SAMMSON: variants seen among roughly 807,000 people sequenced by gnomAD.
SAMMSON encodes survival associated mitochondrial melanoma specific oncogenic non-coding RNA.
chr3:70,148,259 CCTAG>C (rs1006106665), intron 4 of SAMMSON, among the ~76,000 whole-genome samples: 2 of 152,064 alleles, frequency 1.3e-5, no homozygotes, highest in African/African-American at 4.8e-5. Flanking sequence ...ACTTATATAA[CCTAG>C]CTATTCCCTA....
rs944173356 is a variant in SAMMSON at position 70,419,271 on chromosome 3, G to A, written n.234-43289G>A. On this transcript the variant is annotated intron_variant and non_coding_transcript_variant, in intron 2 of 3. Transcript: ENST00000641053. ...TGGTCTCGAACTCCTGGGCTCAGGCGATCCACCCGCCTCAGCCTGCCAAAG... is the reference window on the plus strand; with the variant it reads ...TGGTCTCGAACTCCTGGGCTCAGGCAATCCACCCGCCTCAGCCTGCCAAAG... Among the ~76,000 whole-genome samples the A allele has an allele frequency of 5.9e-5, 9 of 151,846 alleles. No homozygotes were observed. The South Asian group carries it at 1.2e-3, about 21-fold the overall frequency.
At chr3:70,426,337 A>G (rs1159880276) in intron 2 of SAMMSON, among the ~76,000 whole-genome samples, 1 of 152,212 alleles carries the variant, frequency 6.6e-6, no homozygotes, top group Non-Finnish European at 1.5e-5. Context: ...TAGAAACAAT[A>G]GTATATTGCA....
rs189070820 is a variant in SAMMSON at position 70,192,731 on chromosome 3, G to A, written n.508-56376G>A. Among the ~76,000 whole-genome samples, 8 of 152,278 alleles carry A rather than the reference G, an allele frequency of 5.3e-5. No homozygotes were observed. The East Asian group carries it at 5.8e-4, about 11-fold the overall frequency. ...CTCAGATAAATGAAGAATCATATTC[G>A]TAGTATAAGTAGGTCACATGTAATA... On this transcript the variant is annotated intron_variant and non_coding_transcript_variant, in intron 4 of 9. Coordinates refer to ENST00000642114, the Ensembl canonical transcript of SAMMSON.
chr3:70,034,877 A>T (rs1471000336), intron 3 of SAMMSON, among the ~76,000 whole-genome samples: 1 of 152,090 alleles, frequency 6.6e-6, no homozygotes, highest in African/African-American at 2.4e-5. Flanking sequence ...CTTTTGTTCT[A>T]TGGTGTTGTA....
intron 2 of SAMMSON, among the ~76,000 whole-genome samples, chr3:70,403,937 T>C (rs1434899924): frequency 6.6e-6 from 1 of 152,190 alleles, no homozygotes; most frequent in Non-Finnish European, 1.5e-5. Flanking sequence ...TTTAAGGATC[T>C]AAATACTACT....
At chr3:70,352,017 A>T (rs1415913324) in intron 7 of SAMMSON, among the ~76,000 whole-genome samples, 1 of 152,054 alleles carries the variant, frequency 6.6e-6, no homozygotes, top group East Asian at 1.9e-4. Context: ...AAAGGATATA[A>T]TATTCATGTC....
At position 70,278,776 on chromosome 3, in the gene SAMMSON, C is replaced by T. The variant is rs143382508; in HGVS notation, n.675-12403C>T. Reference sequence around the variant, plus strand: ...TTTCTACCAAGTAATAACTAGGAGGCCTTAACAAAGTCACTTATGTTTCCT... The same window carrying T: ...TTTCTACCAAGTAATAACTAGGAGGTCTTAACAAAGTCACTTATGTTTCCT... On this transcript the variant is annotated intron_variant and non_coding_transcript_variant, in intron 6 of 9. Coordinates refer to ENST00000642114, the Ensembl canonical transcript of SAMMSON. 5.1e-4 allele frequency among the ~76,000 whole-genome samples: 78 copies of T among 152,028 alleles called. 1 individual carries two copies. The highest frequency in any genetic ancestry group is 1.8e-3 in the African/African-American group (76 of 41,468).
At chr3:70,274,533 A>G (rs1340292931) in intron 6 of SAMMSON, among the ~76,000 whole-genome samples, 1 of 152,214 alleles carries the variant, frequency 6.6e-6, no homozygotes, top group African/African-American at 2.4e-5. Context: ...AATTGAACAG[A>G]AAACCAAACA....
intron 2 of SAMMSON, among the ~76,000 whole-genome samples, chr3:70,405,784 G>A (rs1042672030): frequency 3.3e-5 from 5 of 152,122 alleles, no homozygotes; most frequent in African/African-American, 1.2e-4. Flanking sequence ...AGTATTTAAA[G>A]AAATAATGGC....
At chr3:70,118,010 C>CG (rs922742488) in intron 4 of SAMMSON, among the ~76,000 whole-genome samples, 1 of 152,106 alleles carries the variant, frequency 6.6e-6, no homozygotes, top group Non-Finnish European at 1.5e-5. Context: ...CTCCACCTCC[C>CG]GGGTTCACAC....
chr3:70,177,405 A>G (rs2106703375), intron 4 of SAMMSON, among the ~76,000 whole-genome samples: 1 of 152,360 alleles, frequency 6.6e-6, no homozygotes, highest in Non-Finnish European at 1.5e-5. Flanking sequence ...AGATAAAAAT[A>G]TGCTCTCTCT....
intron 3 of SAMMSON, among the ~76,000 whole-genome samples, chr3:70,022,857 C>T (rs2067021410): frequency 6.6e-6 from 1 of 152,144 alleles, no homozygotes; most frequent in Non-Finnish European, 1.5e-5. Flanking sequence ...AATAGCTCTG[C>T]CATGTAAAAA....
At chr3:70,099,889 T>G (rs1419851876) in intron 4 of SAMMSON, among the ~76,000 whole-genome samples, 2 of 152,148 alleles carry the variant, frequency 1.3e-5, no homozygotes, top group African/African-American at 4.8e-5. Flanking sequence ...ATGTTCCCTG[T>G]GCAGACCTGT....
intron 6 of SAMMSON, among the ~76,000 whole-genome samples, chr3:70,256,097 T>A (rs549405622): frequency 1.3e-5 from 2 of 152,218 alleles, no homozygotes; most frequent in Non-Finnish European, 2.9e-5. Flanking sequence ...TTTTAGGTAA[T>A]GGAGCAAGAA....
In SAMMSON at chr3:70,353,791, A is replaced by G. The variant is rs571378978; in HGVS notation, n.740-384A>G. 4.3e-4 allele frequency among the ~76,000 whole-genome samples: 66 copies of G among 152,346 alleles called. 3 individuals carry two copies. Among genetic ancestry groups the G allele is most frequent in the South Asian group, 2.9e-3 (14 of 4,834 alleles). Reference sequence around the variant, plus strand: ...ATAAATGTTTATAGCAGCTTCATTCATAATAACCCCAAAACTGAAGACAAC... The same window carrying G: ...ATAAATGTTTATAGCAGCTTCATTCGTAATAACCCCAAAACTGAAGACAAC... On this transcript the variant is annotated intron_variant and non_coding_transcript_variant, in intron 7 of 9. Coordinates refer to ENST00000642114, the Ensembl canonical transcript of SAMMSON.
intron 6 of SAMMSON, among the ~76,000 whole-genome samples, chr3:70,250,558 A>G (rs1292897126): frequency 2.0e-5 from 3 of 152,144 alleles, no homozygotes; most frequent in African/African-American, 7.2e-5. Flanking sequence ...AAAAACCATT[A>G]AACTATTCGG....
At chr3:70,134,516 C>T (rs1430741125) in intron 4 of SAMMSON, among the ~76,000 whole-genome samples, 1 of 151,884 alleles carries the variant, frequency 6.6e-6, no homozygotes, top group South Asian at 2.1e-4. Context: ...TGGATATATA[C>T]TGAAAGTAGC....
chr3:70,086,491 T>A (rs149049290), intron 4 of SAMMSON, among the ~76,000 whole-genome samples: 33 of 152,320 alleles, frequency 2.2e-4, no homozygotes, highest in African/African-American at 7.0e-4. Context: ...ATCCACTGGG[T>A]TGTCTGGTAA....
intron 4 of SAMMSON, among the ~76,000 whole-genome samples, chr3:70,217,639 C>A (rs531863526): frequency 1.7e-4 from 26 of 152,248 alleles, no homozygotes; most frequent in Admixed American, 1.1e-3. Flanking sequence ...TTCATATCCA[C>A]CACCTTTCTG....
Sources: allele counts gnomAD v4.1 joint callset (sites outside exome capture counted in the v4.1 genomes callset), GRCh38; gene constraint gnomAD v4.1.1; transcripts MANE v1.5; gene names NCBI Gene and HGNC (gene_info 2026-07-23, HGNC 2026-07-21).